The following NT5DC1 variants were observed in gnomAD, a reference collection of about 807,000 sequenced individuals.
The protein encoded by NT5DC1 is 5'-nucleotidase domain containing 1, also known as 5'-nucleotidase domain-containing protein 1.
NT5DC1 carries 42 observed loss-of-function variants against 59.4 expected under a neutral mutation model. That is an observed-to-expected ratio of 0.71 (90% CI 0.55 to 0.92). NT5DC1 has a LOEUF of 0.92. Ranked by LOEUF, NT5DC1 falls within the 40% of genes least tolerant of loss-of-function variation. The probability of loss-of-function intolerance (pLI) is 0.00; values close to 1 mark genes in which losing one functional copy is unlikely to be tolerated. For synonymous variants in NT5DC1, 172 were observed against 188.1 expected, an observed-to-expected ratio of 0.91 and a Z score of 0.70; for missense variants, 501 against 537.1, an observed-to-expected ratio of 0.93 and a Z score of 0.66.
At chr6:116,193,610 A>T (rs888762494) in intron 6 of NT5DC1, among the ~76,000 whole-genome samples, 7 of 152,224 alleles carry the variant, frequency 4.6e-5, no homozygotes, top group African/African-American at 1.4e-4. Context: ...AATATGTCTC[A>T]TCTCTGTGCT....
At chr6:116,201,415 T>A (rs1328486878) in intron 6 of NT5DC1, among the ~76,000 whole-genome samples, 4 of 151,982 alleles carry the variant, frequency 2.6e-5, no homozygotes, top group Non-Finnish European at 4.4e-5. Context: ...TTAGAATCAC[T>A]CCAGTATATA....
intron 6 of NT5DC1, among the ~76,000 whole-genome samples, chr6:116,173,111 T>G (rs760021659): frequency 1.3e-5 from 2 of 152,172 alleles, no homozygotes; most frequent in Non-Finnish European, 2.9e-5. Context: ...GGTGATCCAT[T>G]ATGGAGATAA....
intron 6 of NT5DC1, among the ~76,000 whole-genome samples, chr6:116,172,933 G>C (rs1222486101): frequency 6.6e-6 from 1 of 152,106 alleles, no homozygotes; most frequent in Non-Finnish European, 1.5e-5. Flanking sequence ...CACATTGCAG[G>C]TGTGGATAAC....
intron 6 of NT5DC1, among the ~76,000 whole-genome samples, chr6:116,160,227 C>G (rs1387793864): frequency 6.6e-6 from 1 of 152,054 alleles, no homozygotes; most frequent in Non-Finnish European, 1.5e-5. Context: ...TTTACATTTC[C>G]ACCAACAGTG....
intron 6 of NT5DC1, chr6:116,137,045 C>T: frequency 1.0e-5 from 2 of 195,096 alleles, no homozygotes; most frequent in South Asian, 1.1e-4. Flanking sequence ...TAAGTCCTTG[C>T]AGTGACTTCA....
rs1479890957 is a variant in NT5DC1, at chr6:116,108,227, A to C, written c.186-137A>C. ...AATTTTACAGTTCTTAGATATTCTT[A>C]ATTGTGTGATTAACATATCATTCCC... On this transcript the variant is annotated intron_variant, in intron 2 of 11. Coordinates refer to ENST00000319550, the MANE Select transcript of NT5DC1 (RefSeq NM_152729.3). The C allele has an allele frequency of 1.1e-5, 7 of 639,964 alleles. No homozygotes were observed. In the South Asian group the frequency reaches 1.3e-4, roughly 12 times the overall value. The allele number at this position is 639,964 out of a possible 1,614,324, so 39.6% of individuals were successfully genotyped here.
chr6:116,132,769 T>C (rs1260488872), intron 6 of NT5DC1, among the ~76,000 whole-genome samples: 1 of 152,138 alleles, frequency 6.6e-6, no homozygotes, highest in Admixed American at 6.5e-5. Flanking sequence ...GTTCTTCTAA[T>C]CCTTCATCCT....
chr6:116,110,187 G>C (rs1778845471), intron 3 of NT5DC1, among the ~76,000 whole-genome samples: 1 of 152,224 alleles, frequency 6.6e-6, no homozygotes, highest in South Asian at 2.1e-4. Flanking sequence ...AACTGGATAA[G>C]GGGGAACTAC....
In NT5DC1 at chr6:116,117,950, G is replaced by A. The variant is rs776029168; in HGVS notation, c.529+5G>A. On this transcript the variant is annotated splice_donor_5th_base_variant and intron_variant, in intron 6 of 11. Coordinates refer to ENST00000319550, the MANE Select transcript of NT5DC1 (RefSeq NM_152729.3). ...ATAAAATGTCAGCTTTTAAGGGTAA[G>A]TATTGTGAAGAGGGGCCTTCTAATA... is the stretch of plus-strand genomic sequence containing the variant. 4 of 1,426,356 alleles carry A rather than the reference G, an allele frequency of 2.8e-6. No individual in the cohort carries two copies. In the Admixed American group the frequency reaches 5.0e-5, roughly 18 times the overall value. The allele number at this position is 1,426,356 out of a possible 1,614,324, so 88.4% of individuals were successfully genotyped here.
intron 6 of NT5DC1, among the ~76,000 whole-genome samples, chr6:116,140,494 G>A (rs568191159): frequency 7.9e-5 from 12 of 152,050 alleles, no homozygotes; most frequent in African/African-American, 2.9e-4. Context: ...TAAAGGTGAG[G>A]GATATTAATT....
intron 6 of NT5DC1, among the ~76,000 whole-genome samples, chr6:116,177,229 T>A (rs990263725): frequency 1.3e-5 from 2 of 152,206 alleles, no homozygotes; most frequent in Non-Finnish European, 2.9e-5. Flanking sequence ...TCTCATAGAT[T>A]ATGTTTCTTT....
chr6:116,139,345 A>T (rs899970634), intron 6 of NT5DC1, among the ~76,000 whole-genome samples: 1 of 152,130 alleles, frequency 6.6e-6, no homozygotes, highest in African/African-American at 2.4e-5. Context: ...TAGAATTTGG[A>T]TAATACAATT....
intron 6 of NT5DC1, among the ~76,000 whole-genome samples, chr6:116,139,332 G>A (rs1039854417): frequency 6.6e-6 from 1 of 152,082 alleles, no homozygotes; most frequent in Non-Finnish European, 1.5e-5. Flanking sequence ...TTAAACTCTT[G>A]TGTAGAATTT....
chr6:116,177,912 A>T (rs1195422111), intron 6 of NT5DC1, among the ~76,000 whole-genome samples: 1 of 152,184 alleles, frequency 6.6e-6, no homozygotes, highest in African/African-American at 2.4e-5. Flanking sequence ...CTTTTGCTAG[A>T]ATACATTTAA....
intron 6 of NT5DC1, among the ~76,000 whole-genome samples, chr6:116,141,263 AT>A (rs201726112): frequency 2.3e-3 from 329 of 142,342 alleles, no homozygotes; most frequent in East Asian, 5.3e-3. Flanking sequence ...TTTTTATCAG[AT>A]TTTTTTTTTT....
intron 6 of NT5DC1, among the ~76,000 whole-genome samples, chr6:116,135,770 G>C (rs1779575181): frequency 7.2e-6 from 1 of 138,734 alleles, no homozygotes; most frequent in African/African-American, 2.7e-5. Flanking sequence ...TTTTTTTCTG[G>C]CTTTATTGAG....
chr6:116,121,039 G>T (rs1185135003), intron 6 of NT5DC1: 1 of 1,614,038 alleles, frequency 6.2e-7, no homozygotes, highest in Non-Finnish European at 8.5e-7. Flanking sequence ...CACCTTTAGG[G>T]CCTGGGAGAC....
chr6:116,148,411 A>G (rs1286255739), intron 6 of NT5DC1, among the ~76,000 whole-genome samples: 1 of 152,192 alleles, frequency 6.6e-6, no homozygotes, highest in African/African-American at 2.4e-5. Context: ...AAGATTGTCT[A>G]CTTTTTGGAA....
Position 116,145,099 on chromosome 6 carries a change from A to G in NT5DC1, c.529+27154A>G, listed in dbSNP as rs1391145617. Reference sequence around the variant, plus strand: ...ATATATCAGCAAAGTTATAGGACATAAGAACTTCTGGTTTCTGTCTTGAAG... The same window carrying G: ...ATATATCAGCAAAGTTATAGGACATGAGAACTTCTGGTTTCTGTCTTGAAG... On this transcript the variant is annotated intron_variant, in intron 6 of 11. Coordinates refer to ENST00000319550, the MANE Select transcript of NT5DC1 (RefSeq NM_152729.3). Among the ~76,000 whole-genome samples, 3 of 152,180 alleles carry G rather than the reference A, an allele frequency of 2.0e-5. 1 individual carries two copies. Among genetic ancestry groups the G allele is most frequent in the African/African-American group, 4.8e-5 (2 of 41,412 alleles).
Sources: gnomAD v4.1 joint callset for allele counts (sites outside exome capture counted in the v4.1 genomes callset) on GRCh38, gnomAD v4.1.1 for gene constraint, MANE v1.5 for transcripts, NCBI Gene and HGNC (gene_info 2026-07-23, HGNC 2026-07-21) for gene names.